CA1: variants seen among roughly 807,000 people sequenced by gnomAD.
CA1 encodes carbonate dehydratase I.
Under a neutral mutation model 28.8 loss-of-function variants are expected in CA1, and 27 were observed. The ratio of observed to expected loss-of-function variants is 0.94; its 90% CI spans 0.69 to 1.29. The LOEUF (loss-of-function observed/expected upper bound fraction) is 1.29, where lower values mean the gene tolerates loss of function less well. Among genes scored for constraint, CA1 ranks in the 50% most tolerant of loss-of-function variants. The pLI is 0.00. For missense variants in CA1, 335 were observed against 310.5 expected, an observed-to-expected ratio of 1.08 and a Z score of -0.59; for synonymous variants, 121 against 108.8, an observed-to-expected ratio of 1.11 and a Z score of -0.70.
At chr8:85,351,298 C>T (rs961693185) in intron 1 of CA1, among the ~76,000 whole-genome samples, 1 of 152,166 alleles carries the variant, frequency 6.6e-6, no homozygotes, top group Non-Finnish European at 1.5e-5. Context: ...TTAAAAGACT[C>T]ATTTTAACTT....
intron 1 of CA1, among the ~76,000 whole-genome samples, chr8:85,363,272 C>T (rs1809869370): frequency 6.6e-6 from 1 of 152,208 alleles, no homozygotes; most frequent in Admixed American, 6.5e-5. Flanking sequence ...CACAGGAGCA[C>T]AGCACAATAA....
chr8:85,337,137 C>G, intron 3 of CA1, 74 bp from the exon 4 acceptor site: 1 of 855,384 alleles, frequency 1.2e-6, no homozygotes, highest in Admixed American at 1.7e-5. Context: ...TAATATAAAC[C>G]AACACTAAAT....
intron 1 of CA1, among the ~76,000 whole-genome samples, chr8:85,344,054 C>T (rs984079881): frequency 7.0e-6 from 1 of 142,718 alleles, no homozygotes; most frequent in African/African-American, 2.6e-5. Flanking sequence ...GTTTAATCTA[C>T]ACAGACTCTG....
At chr8:85,329,958 G>T in intron 6 of CA1, 114 bp from the exon 7 acceptor site, 1 of 913,220 alleles carries the variant, frequency 1.1e-6, no homozygotes, top group Non-Finnish European at 1.7e-6. Flanking sequence ...TTAGCTAAGA[G>T]TCATTGATTT....
chr8:85,340,166 A>G (rs906767484), intron 2 of CA1, among the ~76,000 whole-genome samples: 13 of 152,216 alleles, frequency 8.5e-5, no homozygotes, highest in East Asian at 1.9e-4. Flanking sequence ...AAGTCAATGC[A>G]TGGTTTCAAA....
chr8:85,370,420 C>G (rs1810170476), intron 1 of CA1, among the ~76,000 whole-genome samples: 1 of 151,938 alleles, frequency 6.6e-6, no homozygotes, highest in Non-Finnish European at 1.5e-5. Context: ...AGTACTAAAA[C>G]CTTGGAGTTT....
Position 85,328,498 on chromosome 8 carries a change from A to T in CA1, c.*62T>A. The T allele has an allele frequency of 1.1e-6, 1 of 882,050 alleles. No individual in the cohort carries two copies. The highest frequency in any genetic ancestry group is 1.9e-6 in the Non-Finnish European group (1 of 520,470). 54.6% of individuals were successfully genotyped at this position (882,050 alleles called of 1,614,324 possible). On this transcript the variant is annotated 3_prime_UTR_variant, in exon 8 of 8. Coordinates refer to ENST00000523022, the MANE Select transcript of CA1 (RefSeq NM_001128831.4). The stretch of plus-strand genomic sequence containing the variant: ...TTTATTTCTTAAAAATTATTATTTT[A>T]CTGGATTATGTCAGAAGCAGGGCTG...
intron 6 of CA1, 144 bp from the exon 7 acceptor site, chr8:85,329,988 A>G: frequency 5.7e-6 from 4 of 697,938 alleles, no homozygotes; most frequent in Non-Finnish European, 9.8e-6. Context: ...TTAGTATTTC[A>G]TGACTGGCGT....
chr8:85,331,974 T>C (rs527560191), intron 6 of CA1, among the ~76,000 whole-genome samples: 3 of 152,284 alleles, frequency 2.0e-5, no homozygotes, highest in Admixed American at 6.5e-5. Flanking sequence ...TTCTCCATGC[T>C]GCAAAACATG....
Position 85,338,365 on chromosome 8 carries a change from T to A in CA1, c.122A>T (p.His41Leu), listed in dbSNP as rs1243694841. The stretch of plus-strand genomic sequence containing the variant: ...ACTAATAGGTTTCAGAGAGGTGTCA[T>A]GTTTGGTTTCACTGGTTTTAATATC... ...PVDIKTSETKHDTSLKPISVS... is the reference protein window; with the variant it reads ...PVDIKTSETKLDTSLKPISVS... The change falls in exon 3 of 8, where the codon CAT becomes CTT. Residue 41 changes from histidine (H) to leucine (L), a missense_variant. By Grantham distance (99) the His-to-Leu change is moderately conservative (BLOSUM62 -3). Coordinates refer to ENST00000523022, the MANE Select transcript of CA1 (RefSeq NM_001128831.4). The A allele has an allele frequency of 1.2e-6, 2 of 1,613,672 alleles. No homozygotes were observed. Among genetic ancestry groups the A allele is most frequent in the Non-Finnish European group, 1.7e-6 (2 of 1,179,716 alleles).
rs542331792 is a variant in CA1 at position 85,369,668 on chromosome 8, T to C, written c.-25+8378A>G. ...CCATCTTTGGTTGATGCAAAAGTTGTACTTAAGAGAAAGCATGGGAACAGG... is the reference window on the plus strand; with the variant it reads ...CCATCTTTGGTTGATGCAAAAGTTGCACTTAAGAGAAAGCATGGGAACAGG... On this transcript the variant is annotated intron_variant, in intron 1 of 7. Transcript: ENST00000523022. Among the ~76,000 whole-genome samples the C allele has an allele frequency of 5.9e-5, 9 of 152,250 alleles. 1 individual carries two copies. Among genetic ancestry groups the C allele is most frequent in the Admixed American group, 5.9e-4 (9 of 15,288 alleles).
intron 1 of CA1, among the ~76,000 whole-genome samples, chr8:85,363,767 T>C (rs1447090219): frequency 6.6e-6 from 1 of 152,200 alleles, no homozygotes; most frequent in Non-Finnish European, 1.5e-5. Flanking sequence ...AAAGATCTAC[T>C]GCAAGAATGA....
At chr8:85,342,750 A>G (rs1362364963) in intron 1 of CA1, 1 of 152,208 alleles carries the variant, frequency 6.6e-6, no homozygotes, top group South Asian at 2.1e-4. Context: ...ATAAGCTACC[A>G]TAGTGATGCT....
intron 1 of CA1, among the ~76,000 whole-genome samples, chr8:85,358,651 CT>C (rs1809689695): frequency 6.6e-6 from 1 of 152,194 alleles, no homozygotes; most frequent in Non-Finnish European, 1.5e-5. Context: ...TATCCATACC[CT>C]TTTGTAGTCT....
At chr8:85,355,486 G>A (rs938305804) in intron 1 of CA1, among the ~76,000 whole-genome samples, 5 of 150,712 alleles carry the variant, frequency 3.3e-5, no homozygotes, top group East Asian at 1.9e-4. Flanking sequence ...GGGCTCTAGC[G>A]ATCCTCCCAC....
intron 1 of CA1, among the ~76,000 whole-genome samples, chr8:85,364,832 G>T (rs1809940661): frequency 6.6e-6 from 1 of 152,184 alleles, no homozygotes; most frequent in Admixed American, 6.5e-5. Context: ...TCATAACTCT[G>T]ACAGGGCTGG....
chr8:85,348,523 C>T (rs1006312275), intron 1 of CA1, among the ~76,000 whole-genome samples: 11 of 152,086 alleles, frequency 7.2e-5, no homozygotes, highest in African/African-American at 1.9e-4. Flanking sequence ...ATTTGCAGAA[C>T]GACTCATTAC....
chr8:85,357,777 C>A (rs1370400993), intron 1 of CA1, among the ~76,000 whole-genome samples: 1 of 152,086 alleles, frequency 6.6e-6, no homozygotes, highest in Admixed American at 6.6e-5. Context: ...GTCCAAAGAA[C>A]CCCTGAAATG....
At chr8:85,374,106 C>A (rs1258889752) in intron 1 of CA1, among the ~76,000 whole-genome samples, 2 of 151,730 alleles carry the variant, frequency 1.3e-5, no homozygotes, top group African/African-American at 4.8e-5. Context: ...AAAAAGAATA[C>A]AAAATTAATA....
Sources: allele counts gnomAD v4.1 joint callset (sites outside exome capture counted in the v4.1 genomes callset), GRCh38; gene constraint gnomAD v4.1.1; transcripts MANE v1.5; gene names NCBI Gene and HGNC (gene_info 2026-07-23, HGNC 2026-07-21).